KMT2C: variants seen among roughly 807,000 people sequenced by gnomAD.
The protein encoded by KMT2C is histone-lysine N-methyltransferase 2C.
A neutral mutation model predicts 507.9 loss-of-function variants in KMT2C; 88 were observed. The observed-to-expected ratio is 0.17, with a 90% CI of 0.15 to 0.21. The LOEUF (loss-of-function observed/expected upper bound fraction) is 0.21, where lower values mean the gene tolerates loss of function less well. Among genes scored for constraint, KMT2C ranks in the 10% least tolerant of loss-of-function variants. The probability of loss-of-function intolerance (pLI) is 1.00; values close to 1 mark genes in which losing one functional copy is unlikely to be tolerated. For missense variants in KMT2C, 4,954 were observed against 5,957.8 expected, an observed-to-expected ratio of 0.83 and a Z score of 5.55; for synonymous variants, 2,049 against 2,080.8, an observed-to-expected ratio of 0.98 and a Z score of 0.42.
chr7:152,187,500 C>T (rs555350222), intron 32 of KMT2C, 24 bp from the exon 33 acceptor site: 7 of 1,567,724 alleles, frequency 4.5e-6, no homozygotes, highest in South Asian at 3.3e-5. Context: ...AATATCTTTA[C>T]TTTATGAACA....
At position 152,145,135 on chromosome 7, in the gene KMT2C, G is replaced by A. The variant is rs2129093176; in HGVS notation, c.14174+18C>T. On this transcript the variant is annotated intron_variant, in intron 54 of 58. Transcript: ENST00000262189. ...CTAGAAACCCTGGGCTGTACTATGT[G>A]AAGTTAAAACAAAATACCTTAACAC... The A allele has an allele frequency of 6.2e-7, 1 of 1,612,744 alleles. No individual in the cohort carries two copies. Among genetic ancestry groups the A allele is most frequent in the Non-Finnish European group, 8.5e-7 (1 of 1,179,432 alleles).
chr7:152,365,213 T>C (rs1331289028), intron 1 of KMT2C, among the ~76,000 whole-genome samples: 1 of 152,134 alleles, frequency 6.6e-6, no homozygotes, highest in African/African-American at 2.4e-5. Flanking sequence ...AAAAGTATCC[T>C]TCAAAAGCAA....
intron 1 of KMT2C, among the ~76,000 whole-genome samples, chr7:152,389,066 T>G (rs1363985396): frequency 8.6e-5 from 13 of 151,588 alleles, no homozygotes. Context: ...GTATTTTTAG[T>G]AGAGATGGGG....
At chr7:152,200,785 A>G (rs2094113466) in intron 26 of KMT2C, among the ~76,000 whole-genome samples, 1 of 152,188 alleles carries the variant, frequency 6.6e-6, no homozygotes, top group African/African-American at 2.4e-5. Flanking sequence ...AATAAATTAT[A>G]AAAAAGTTTC....
At chr7:152,337,246 G>A (rs1349295676) in intron 2 of KMT2C, among the ~76,000 whole-genome samples, 1 of 152,268 alleles carries the variant, frequency 6.6e-6, no homozygotes, top group East Asian at 1.9e-4. Flanking sequence ...ACTCCATCCT[G>A]GGTGACAGAG....
intron 23 of KMT2C, among the ~76,000 whole-genome samples, chr7:152,218,589 C>T (rs2094655549): frequency 6.6e-6 from 1 of 152,280 alleles, no homozygotes; most frequent in South Asian, 2.1e-4. Flanking sequence ...GAGAGTGTTC[C>T]TCTTAAAATA....
intron 11 of KMT2C, among the ~76,000 whole-genome samples, chr7:152,251,241 G>T (rs923943408): frequency 1.4e-4 from 21 of 152,172 alleles, no homozygotes; most frequent in African/African-American, 4.8e-4. Context: ...GAAGCCAGGA[G>T]TTCAAGACCA....
intron 6 of KMT2C, among the ~76,000 whole-genome samples, chr7:152,305,978 G>A (rs2096612717): frequency 1.3e-5 from 2 of 152,136 alleles, no homozygotes; most frequent in South Asian, 2.1e-4. Context: ...GGGGATAGAG[G>A]TAGGAAATAC....
Position 152,203,128 on chromosome 7 carries a change from G to T in KMT2C, c.3962-64C>A, listed in dbSNP as rs1051893356. The T allele has an allele frequency of 3.0e-6, 4 of 1,351,598 alleles. No homozygotes were observed. The African/African-American group carries it at 4.4e-5, about 15-fold the overall frequency. 83.7% of individuals were successfully genotyped at this position (1,351,598 alleles called of 1,614,324 possible). A position where few individuals can be genotyped will look rare whatever the true frequency, so the allele number is the denominator to read the frequency against. On this transcript the variant is annotated intron_variant, in intron 25 of 58. Coordinates refer to ENST00000262189, the MANE Select transcript of KMT2C (RefSeq NM_170606.3). ...AAATTTCTAGACAAACCCACTGAAG[G>T]TAATTTTATACCTTACCAACATACA... is the stretch of plus-strand genomic sequence containing the variant.
intron 23 of KMT2C, among the ~76,000 whole-genome samples, chr7:152,217,232 G>A (rs1588298283): frequency 1.3e-5 from 2 of 152,160 alleles, no homozygotes; most frequent in African/African-American, 4.8e-5. Context: ...AACTTACGAT[G>A]ATTGTATTCT....
chr7:152,136,342 T>G lies in KMT2C; in HGVS notation c.*490A>C. 4.6e-6 allele frequency: 1 copy of G among 219,732 alleles called. No individual in the cohort carries two copies. The highest frequency in any genetic ancestry group is 9.1e-6 in the Non-Finnish European group (1 of 109,490). The allele number at this position is 219,732 out of a possible 1,614,324, so 13.6% of individuals were successfully genotyped here. Reference sequence around the variant, plus strand: ...GGTGTCTACTTTATTTAAAAACATTTTGAAGTTAGAGGGCCTGCCCCTTTT... The same window carrying G: ...GGTGTCTACTTTATTTAAAAACATTGTGAAGTTAGAGGGCCTGCCCCTTTT... On this transcript the variant is annotated 3_prime_UTR_variant, in exon 59 of 59. Transcript: ENST00000262189.
chr7:152,315,565 A>G (rs973427054), intron 3 of KMT2C, among the ~76,000 whole-genome samples: 2 of 152,250 alleles, frequency 1.3e-5, no homozygotes, highest in African/African-American at 4.8e-5. Context: ...AGTAGTACAC[A>G]TATCAAATCC....
At position 152,148,552 on chromosome 7, in the gene KMT2C, G is replaced by C. The variant is rs2129095413; in HGVS notation, c.13375C>G (p.Gln4459Glu). The part of the protein sequence containing the change: ...NVELALRRGL[Q>E]MKCVFCHKTG... ...TTGTGACAGAAGACACATTTCATTTGTAGGCCTCTCCTCAGAGCTAGCTCC... is the reference window on the plus strand; with the variant it reads ...TTGTGACAGAAGACACATTTCATTTCTAGGCCTCTCCTCAGAGCTAGCTCC... Residue 4459 changes from glutamine (Q) to glutamate (E), a missense_variant, in exon 52 of 59, where the codon CAA becomes GAA. By Grantham distance (29) the Gln-to-Glu change is conservative. Coordinates refer to ENST00000262189, the MANE Select transcript of KMT2C (RefSeq NM_170606.3). This position sits in a 1 kb window ranked among gnomAD's most constrained non-coding sequence, Gnocchi z 7.1. The C allele has an allele frequency of 6.2e-7, 1 of 1,614,216 alleles. No homozygotes were observed. Among genetic ancestry groups the C allele is most frequent in the Non-Finnish European group, 8.5e-7 (1 of 1,180,044 alleles).
intron 39 of KMT2C, among the ~76,000 whole-genome samples, chr7:152,173,407 C>T (rs899624091): frequency 1.3e-5 from 2 of 152,146 alleles, no homozygotes; most frequent in Non-Finnish European, 2.9e-5. Context: ...GCTAAAAATA[C>T]AGACACACAG....
At chr7:152,396,806 C>T (rs1237388354) in intron 1 of KMT2C, among the ~76,000 whole-genome samples, 1 of 152,192 alleles carries the variant, frequency 6.6e-6, no homozygotes, top group Non-Finnish European at 1.5e-5. Flanking sequence ...TCCAAGCCAA[C>T]ACCTCACTTT....
intron 7 of KMT2C, 56 bp from the exon 8 acceptor site, chr7:152,265,265 A>C: frequency 6.3e-7 from 1 of 1,597,100 alleles, no homozygotes; most frequent in Non-Finnish European, 8.6e-7. Context: ...ATTTTTTCTG[A>C]CTATACAGTA....
chr7:152,250,199 G>C (rs2129165734), intron 12 of KMT2C, among the ~76,000 whole-genome samples: 1 of 152,078 alleles, frequency 6.6e-6, no homozygotes, highest in East Asian at 1.9e-4. Context: ...AAAGATTATA[G>C]AAAATAATTT....
At chr7:152,433,014 G>A (rs2097878585) in intron 1 of KMT2C, among the ~76,000 whole-genome samples, 1 of 152,078 alleles carries the variant, frequency 6.6e-6, no homozygotes, top group Non-Finnish European at 1.5e-5. Context: ...TAGGTGCGAT[G>A]GCGCACACCT....
chr7:152,154,186 T>C, intron 47 of KMT2C, 40 bp from the exon 48 acceptor site: 3 of 1,611,416 alleles, frequency 1.9e-6, no homozygotes, highest in Non-Finnish European at 2.5e-6. Flanking sequence ...ATAGTGTTAA[T>C]GGATTTTCAA....
Sources: gnomAD v4.1 joint callset for allele counts (sites outside exome capture counted in the v4.1 genomes callset) on GRCh38, gnomAD v4.1.1 for gene constraint, Gnocchi (gnomAD v3.1) non-coding constraint, MANE v1.5 for transcripts, NCBI Gene and HGNC (gene_info 2026-07-23, HGNC 2026-07-21) for gene names.